Variants in IGFBP5 observed in about 807,000 individuals in gnomAD.
The protein encoded by IGFBP5 is insulin like growth factor binding protein 5, also known as insulin-like growth factor-binding protein 5.
In IGFBP5, 12 loss-of-function variants were observed where a neutral mutation model predicts 28.0. That is an observed-to-expected ratio of 0.43 (90% CI 0.27 to 0.69). The LOEUF (loss-of-function observed/expected upper bound fraction) is 0.69, where lower values mean the gene tolerates loss of function less well. Among genes scored for constraint, IGFBP5 ranks in the 30% least tolerant of loss-of-function variants. The pLI, the probability that IGFBP5 is intolerant of heterozygous loss-of-function variation, is 0.20. For missense variants in IGFBP5, 344 were observed against 381.6 expected (o/e 0.90, Z 0.82); for synonymous variants, 152 against 150.2 (o/e 1.01, Z -0.09).
At chr2:216,680,906 A>G (rs187279000) in intron 1 of IGFBP5, among the ~76,000 whole-genome samples, 2 of 152,270 alleles carry the variant, frequency 1.3e-5, no homozygotes, top group East Asian at 1.9e-4. Flanking sequence ...ATTCTGCTCT[A>G]TCAGACCCTG....
intron 2 of IGFBP5, chr2:216,678,609 T>C: frequency 1.7e-6 from 1 of 573,636 alleles, no homozygotes; most frequent in East Asian, 2.8e-5. Context: ...ACGTGGCCGC[T>C]GGGCTGGCAC....
intron 1 of IGFBP5, among the ~76,000 whole-genome samples, chr2:216,690,346 ATCT>A (rs1347293900): frequency 3.3e-5 from 5 of 152,088 alleles, no homozygotes; most frequent in African/African-American, 4.8e-5. Context: ...GCTCTTTATG[ATCT>A]TCTTCCAGTT....
intron 3 of IGFBP5, among the ~76,000 whole-genome samples, chr2:216,677,378 T>C (rs1036190573): frequency 2.0e-5 from 3 of 152,208 alleles, no homozygotes; most frequent in African/African-American, 7.2e-5. Flanking sequence ...GGTGTTATCA[T>C]GTAGTAGACA....
chr2:216,687,708 G>T (rs1050449609), intron 1 of IGFBP5, among the ~76,000 whole-genome samples: 7 of 152,158 alleles, frequency 4.6e-5, no homozygotes, highest in Non-Finnish European at 8.8e-5. Context: ...ATGGTGGGGG[G>T]ATAGGTGGGG....
rs1195225734 is a variant in IGFBP5, at chr2:216,694,792, C to T, written c.-17G>A. ...CAACACCATCTTCTCTTAGTCGCCC[C>T]CTTTACCTCGGGGTGGGGCAGGAGA... On this transcript the variant is annotated 5_prime_UTR_variant, in exon 1 of 4. Coordinates refer to ENST00000233813, the MANE Select transcript of IGFBP5 (RefSeq NM_000599.4). This position sits in a 1 kb window ranked among gnomAD's most constrained non-coding sequence, Gnocchi z 5.2. 3 of 1,385,128 alleles carry T rather than the reference C, an allele frequency of 2.2e-6. No homozygotes were observed. Among genetic ancestry groups the T allele is most frequent in the Non-Finnish European group, 1.9e-6 (2 of 1,073,052 alleles). The allele number at this position is 1,385,128 out of a possible 1,614,324, so 85.8% of individuals were successfully genotyped here.
Position 216,695,037 on chromosome 2 carries a change from CAG to C in IGFBP5, c.-264_-263del. The C allele has an allele frequency of 2.9e-6, 1 of 349,350 alleles. No individual in the cohort carries two copies. The allele number at this position is 349,350 out of a possible 1,614,324, so 21.6% of individuals were successfully genotyped here. On this transcript the variant is annotated 5_prime_UTR_variant, in exon 1 of 4. Coordinates refer to ENST00000233813, the MANE Select transcript of IGFBP5 (RefSeq NM_000599.4). ...GAAGCAGGGCAGCGCCAGGTGCACGCAGTGAGCGGAGGCCGGAGAAACCCTCA... is the reference window on the plus strand; with the variant it reads ...GAAGCAGGGCAGCGCCAGGTGCACGCTGAGCGGAGGCCGGAGAAACCCTCA...
intron 1 of IGFBP5, among the ~76,000 whole-genome samples, chr2:216,687,850 G>A (rs1213305510): frequency 2.6e-5 from 4 of 152,164 alleles, no homozygotes; most frequent in African/African-American, 7.2e-5. Flanking sequence ...AGAAGGGGGC[G>A]GCAGGGAGGA....
chr2:216,676,984 CAG>C, intron 3 of IGFBP5, 102 bp from the exon 4 acceptor site: 1 of 1,347,568 alleles, frequency 7.4e-7, no homozygotes, highest in Non-Finnish European at 1.0e-6. Flanking sequence ...CTCTCATCCC[CAG>C]AGAGTTGAGG....
rs1373015630 is a variant in IGFBP5, at chr2:216,679,176, G to A, written c.338-97C>T. The A allele has an allele frequency of 2.3e-6, 2 of 884,302 alleles. No individual in the cohort carries two copies. Among genetic ancestry groups the A allele is most frequent in the Non-Finnish European group, 3.7e-6 (2 of 537,500 alleles). The allele number at this position is 884,302 out of a possible 1,614,324, so 54.8% of individuals were successfully genotyped here. ...AGTTTGGGGTGAGGGGAGTAATAAA[G>A]GCTGAAGCAGATGTGTCTCTGCCCT... On this transcript the variant is annotated intron_variant, in intron 1 of 3. Transcript: ENST00000233813. This position sits in a 1 kb window ranked among gnomAD's most constrained non-coding sequence, Gnocchi z 4.6.
rs1473533703 is a variant in IGFBP5 at position 216,676,795 on chromosome 2, C to T, written c.775G>A (p.Gly259Arg). 2.6e-5 allele frequency: 42 copies of T among 1,613,788 alleles called. No individual in the cohort carries two copies. The highest frequency in any genetic ancestry group is 9.4e-5 in the African/African-American group (7 of 74,862). ...TCGAAGGTGTGGCACTGAAAGTCCC[C>T]GTCAACGTACTCCATGCCTGGCAGC... Reference protein sequence around the residue: ...MKLPGMEYVDGDFQCHTFDSS... With the variant: ...MKLPGMEYVDRDFQCHTFDSS... Residue 259 changes from glycine (G) to arginine (R), a missense_variant, in exon 4 of 4, where the codon GGG becomes AGG. Gly to Arg is a moderately radical substitution (Grantham distance 125, BLOSUM62 -2). Around this residue, in one of 3 missense-constraint regions of IGFBP5, gnomAD observed 36 missense variants for 34.1 expected, o/e 1.06. Transcript: ENST00000233813.
chr2:216,679,659 C>T lies in IGFBP5; in HGVS notation c.338-580G>A, dbSNP rs1346109157. ...CTGGGGAACCTAGGAGGAGGGGGTC[C>T]TGGGGTCTGGAGCAGCAGGGTGGTG... On this transcript the variant is annotated intron_variant, in intron 1 of 3. Coordinates refer to ENST00000233813, the MANE Select transcript of IGFBP5 (RefSeq NM_000599.4). The surrounding 1 kb of genome is among the most constrained non-coding windows in gnomAD (Gnocchi z 4.6). 6.6e-6 allele frequency among the ~76,000 whole-genome samples: 1 copy of T among 151,978 alleles called. No individual in the cohort carries two copies. Among genetic ancestry groups the T allele is most frequent in the Admixed American group, 6.6e-5 (1 of 15,254 alleles).
At chr2:216,689,417 T>C (rs2106224497) in intron 1 of IGFBP5, among the ~76,000 whole-genome samples, 1 of 152,360 alleles carries the variant, frequency 6.6e-6, no homozygotes, top group South Asian at 2.1e-4. Flanking sequence ...GAAGTGAGTG[T>C]GAAAATAAGA....
intron 1 of IGFBP5, among the ~76,000 whole-genome samples, chr2:216,689,413 AGT>A (rs1423658082): frequency 6.6e-6 from 1 of 152,222 alleles, no homozygotes; most frequent in Non-Finnish European, 1.5e-5. Flanking sequence ...GACAGAAGTG[AGT>A]GTGAAAATAA....
At chr2:216,677,076 C>T (rs916149188) in intron 3 of IGFBP5, among the ~76,000 whole-genome samples, 194 bp from the exon 4 acceptor site, 7 of 152,002 alleles carry the variant, frequency 4.6e-5, no homozygotes, top group Non-Finnish European at 5.9e-5. Flanking sequence ...AGGCAGCCTA[C>T]CCTTGGCAAG....
rs1416307118 is a variant in IGFBP5, at chr2:216,694,552, G to A, written c.224C>T (p.Ala75Val). ...QSCGVYTERC[A>V]QGLRCLPRQD... ...CCGGGGGAGGCAGCGCAGCCCCTGG[G>A]CGCAGCGCTCGGTGTAGACGCCGCA... The change falls in exon 1 of 4, where the codon GCC becomes GTC. Residue 75 changes from alanine to valine, a missense_variant. By Grantham distance (64) the Ala-to-Val change is moderately conservative. Around this residue, in one of 3 missense-constraint regions of IGFBP5, gnomAD observed 304 missense variants for 329.2 expected, o/e 0.92. Coordinates refer to ENST00000233813, the MANE Select transcript of IGFBP5 (RefSeq NM_000599.4). This position sits in a 1 kb window ranked among gnomAD's most constrained non-coding sequence, Gnocchi z 5.2. The A allele has an allele frequency of 1.3e-6, 2 of 1,568,446 alleles. No homozygotes were observed. The highest frequency in any genetic ancestry group is 1.2e-5 in the South Asian group (1 of 85,740).
intron 3 of IGFBP5, among the ~76,000 whole-genome samples, chr2:216,677,721 T>C (rs11575201): frequency 6.6e-6 from 1 of 152,152 alleles, no homozygotes; most frequent in East Asian, 1.9e-4. Flanking sequence ...CTAAGAACCA[T>C]TGCCCAAAGG....
At chr2:216,684,636 T>C (rs1303000296) in intron 1 of IGFBP5, among the ~76,000 whole-genome samples, 1 of 152,214 alleles carries the variant, frequency 6.6e-6, no homozygotes, top group Non-Finnish European at 1.5e-5. Flanking sequence ...TGGGTTTCAT[T>C]CTAGTCCCCC....
chr2:216,681,104 G>A (rs770721674), intron 1 of IGFBP5, among the ~76,000 whole-genome samples: 5 of 152,178 alleles, frequency 3.3e-5, no homozygotes, highest in Non-Finnish European at 7.3e-5. Flanking sequence ...CTGGGGCTCC[G>A]TTATCTAGTA....
intron 1 of IGFBP5, among the ~76,000 whole-genome samples, chr2:216,682,399 G>C (rs1330046356): frequency 6.6e-6 from 1 of 152,186 alleles, no homozygotes. Flanking sequence ...CTGCTCTGTG[G>C]CTGAGTCATA....
Sources: gnomAD v4.1 joint callset for allele counts (sites outside exome capture counted in the v4.1 genomes callset) on GRCh38, gnomAD v4.1.1 for gene constraint, gnomAD v4.1.1 regional missense constraint, Gnocchi (gnomAD v3.1) non-coding constraint, MANE v1.5 for transcripts, NCBI Gene and HGNC (gene_info 2026-07-23, HGNC 2026-07-21) for gene names.